The following XIRP2 variants were observed in gnomAD, a reference collection of about 807,000 sequenced individuals.
The protein encoded by XIRP2 is xin actin binding repeat containing 2.
XIRP2 carries 236 observed loss-of-function variants against 277.0 expected under a neutral mutation model. The ratio of observed to expected loss-of-function variants is 0.85; its 90% CI spans 0.77 to 0.95. The LOEUF is 0.95. Among genes scored for constraint, XIRP2 ranks in the 40% least tolerant of loss-of-function variants. The pLI, the probability that XIRP2 is intolerant of heterozygous loss-of-function variation, is 0.00. For missense variants in XIRP2, 4,640 were observed against 4,157.5 expected (o/e 1.12, Z -3.19); for synonymous variants, 1,490 against 1,416.5 (o/e 1.05, Z -1.17).
At chr2:167,071,554 T>C (rs80341578) in intron 2 of XIRP2, among the ~76,000 whole-genome samples, 2,147 of 152,264 alleles carry the variant, frequency 0.014, 58 homozygotes, top group African/African-American at 0.05. Flanking sequence ...ATGTGAATGC[T>C]TTTATTTTCT....
chr2:167,047,674 A>G (rs1574202659), intron 2 of XIRP2, among the ~76,000 whole-genome samples: 1 of 151,948 alleles, frequency 6.6e-6, no homozygotes, highest in African/African-American at 2.4e-5. Flanking sequence ...TGACAGTAGC[A>G]ATTTGCAGAA....
chr2:167,013,877 C>T (rs539063662), intron 2 of XIRP2, among the ~76,000 whole-genome samples: 1 of 151,012 alleles, frequency 6.6e-6, no homozygotes, highest in African/African-American at 2.4e-5. Flanking sequence ...TTAGATTCCT[C>T]TTCCTCGTTC....
chr2:167,231,358 T>C (rs1030616262), intron 5 of XIRP2, among the ~76,000 whole-genome samples: 1 of 151,982 alleles, frequency 6.6e-6, no homozygotes, highest in African/African-American at 2.4e-5. Context: ...TCTTCCTACA[T>C]GTCCTTGTAA....
intron 3 of XIRP2, among the ~76,000 whole-genome samples, chr2:167,201,184 GAGAGAGAAAGAAAGAAAGAAAGAAAGAA>G (rs1693678284): frequency 8.0e-6 from 1 of 124,418 alleles, no homozygotes; most frequent in Non-Finnish European, 1.6e-5. Context: ...AAGAAAGAGA[GAGAGAGAAAGAAAGAAAGAAAGAAAGAA>G]AGAAAGAAAG....
intron 4 of XIRP2, among the ~76,000 whole-genome samples, chr2:167,216,202 C>T (rs1288779049): frequency 2.8e-5 from 2 of 72,702 alleles, no homozygotes; most frequent in African/African-American, 1.1e-4. Flanking sequence ...TAGGCATTAC[C>T]ATTCAGGACA....
chr2:166,965,626 G>A (rs1686410530), intron 2 of XIRP2, among the ~76,000 whole-genome samples: 1 of 151,762 alleles, frequency 6.6e-6, no homozygotes, highest in Admixed American at 6.6e-5. Context: ...CTCTCTTGCT[G>A]AGGCTGGAGT....
chr2:167,219,934 A>C (rs935472119), intron 5 of XIRP2, among the ~76,000 whole-genome samples: 28 of 152,344 alleles, frequency 1.8e-4, no homozygotes, highest in Admixed American at 9.2e-4. Context: ...AAAACCCCCC[A>C]AAAATGGCCT....
At chr2:166,943,044 A>G (rs904626307) in intron 2 of XIRP2, among the ~76,000 whole-genome samples, 1 of 152,152 alleles carries the variant, frequency 6.6e-6, no homozygotes, top group Non-Finnish European at 1.5e-5. Flanking sequence ...ATTAAATACA[A>G]ACAAATGCCT....
chr2:167,243,172 C>G lies in XIRP2; in HGVS notation c.1780C>G (p.Pro594Ala). ...QPLDSINNGS[P>A]DEGDISRGIA... ...ATTGGATTCCATCAACAATGGCTCT[C>G]CTGATGAAGGTGATATTTCCAGGGG... is the stretch of plus-strand genomic sequence containing the variant. The change falls in exon 9 of 11, where the codon CCT becomes GCT. Residue 594 changes from proline (P) to alanine (A), a missense_variant. Transcript: ENST00000409195. 6.2e-7 allele frequency: 1 copy of G among 1,614,100 alleles called. No homozygotes were observed.
At chr2:166,946,349 C>T (rs963061698) in intron 2 of XIRP2, among the ~76,000 whole-genome samples, 4 of 152,134 alleles carry the variant, frequency 2.6e-5, no homozygotes, top group Admixed American at 2.0e-4. Flanking sequence ...CCACTAACTG[C>T]GCAAACTATC....
rs1695396060 is a variant in XIRP2, at chr2:167,249,446, A to C, written c.8054A>C (p.Gln2685Pro). 1.2e-6 allele frequency: 2 copies of C among 1,613,770 alleles called. No homozygotes were observed. Residue 2685 changes from glutamine to proline, a missense_variant, in exon 9 of 11, where the codon CAA becomes CCA. Coordinates refer to ENST00000409195, the MANE Select transcript of XIRP2 (RefSeq NM_152381.6). ...IKQSHQECSTQQTQQKKYLEQ... is the reference protein window; with the variant it reads ...IKQSHQECSTPQTQQKKYLEQ... ...CAAAGTCACCAAGAATGTAGTACCCAACAAACACAACAGAAGAAGTATTTG... is the reference window on the plus strand; with the variant it reads ...CAAAGTCACCAAGAATGTAGTACCCCACAAACACAACAGAAGAAGTATTTG...
rs1054318975 is a variant in XIRP2, at chr2:167,226,758, TTC to T, written c.858+8462_858+8463del. 7.9e-5 allele frequency among the ~76,000 whole-genome samples: 12 copies of T among 152,108 alleles called. No individual in the cohort carries two copies. The East Asian group carries it at 9.7e-4, about 12-fold the overall frequency. On this transcript the variant is annotated intron_variant, in intron 5 of 10. Transcript: ENST00000409195. ...TGTAGTGGTAGCAAGTTTCGAAGAG[TTC>T]TCTGTCTGTAGGTTCCCACATCTCT...
chr2:167,043,245 T>G (rs1688707332), intron 2 of XIRP2, among the ~76,000 whole-genome samples: 1 of 151,786 alleles, frequency 6.6e-6, no homozygotes, highest in Non-Finnish European at 1.5e-5. Flanking sequence ...AGATCTCAAA[T>G]TAAAAACCTG....
chr2:167,159,043 G>C (rs1369807817), intron 3 of XIRP2, among the ~76,000 whole-genome samples: 40 of 152,148 alleles, frequency 2.6e-4, no homozygotes, highest in Non-Finnish European at 2.9e-5. Context: ...CTAGGATTCA[G>C]GCCTCAGTGG....
chr2:167,124,944 A>G (rs1179198715), intron 2 of XIRP2, among the ~76,000 whole-genome samples: 1 of 152,184 alleles, frequency 6.6e-6, no homozygotes, highest in Non-Finnish European at 1.5e-5. Context: ...AGGAGCCACC[A>G]GTCTAAAGGT....
At chr2:167,093,897 C>A (rs1421323729) in intron 2 of XIRP2, among the ~76,000 whole-genome samples, 1 of 152,128 alleles carries the variant, frequency 6.6e-6, no homozygotes, top group Non-Finnish European at 1.5e-5. Context: ...ACCACTCTGT[C>A]TTCCCCACTG....
At chr2:167,069,914 G>A (rs1017049993) in intron 2 of XIRP2, among the ~76,000 whole-genome samples, 3 of 152,122 alleles carry the variant, frequency 2.0e-5, no homozygotes, top group Admixed American at 1.3e-4. Flanking sequence ...TCTTCCATGA[G>A]TTACCCTATC....
At chr2:167,161,280 A>T (rs1337362497) in intron 3 of XIRP2, among the ~76,000 whole-genome samples, 1 of 152,190 alleles carries the variant, frequency 6.6e-6, no homozygotes, top group African/African-American at 2.4e-5. Flanking sequence ...CCTTCTTCTC[A>T]CAACTCCACT....
intron 2 of XIRP2, among the ~76,000 whole-genome samples, chr2:167,050,576 G>T (rs963786173): frequency 6.6e-6 from 1 of 151,978 alleles, no homozygotes; most frequent in African/African-American, 2.4e-5. Flanking sequence ...AGGGATGGCA[G>T]TCTACGGGAA....
Sources: gnomAD v4.1 joint callset for allele counts (sites outside exome capture counted in the v4.1 genomes callset) on GRCh38, gnomAD v4.1.1 for gene constraint, MANE v1.5 for transcripts, NCBI Gene and HGNC (gene_info 2026-07-23, HGNC 2026-07-21) for gene names.